The following SFMBT2 variants were observed in gnomAD, a reference collection of about 807,000 sequenced individuals.
SFMBT2 encodes Scm like with four mbt domains 2.
A neutral mutation model predicts 110.1 loss-of-function variants in SFMBT2; 38 were observed. The observed-to-expected ratio is 0.35, with a 90% confidence interval of 0.27 to 0.45. SFMBT2 has a LOEUF of 0.45. Among genes scored for constraint, SFMBT2 ranks in the 20% least tolerant of loss-of-function variants. The probability of loss-of-function intolerance (pLI) is 1.00; values close to 1 mark genes in which losing one functional copy is unlikely to be tolerated. For synonymous variants in SFMBT2, 425 were observed against 425.4 expected (o/e 1.00, Z 0.01); for missense variants, 1,011 against 1,094.9 (o/e 0.92, Z 1.08).
At position 7,309,670 on chromosome 10, in the gene SFMBT2, C is replaced by G. The variant is rs551187936; in HGVS notation, c.437-23716G>C. Reference sequence around the variant, plus strand: ...GCTACTGAGGCACCCTGAACCTGCCCTTGTTACTTACCCTACTACATTTTT... The same window carrying G: ...GCTACTGAGGCACCCTGAACCTGCCGTTGTTACTTACCCTACTACATTTTT... On this transcript the variant is annotated intron_variant, in intron 4 of 20. Transcript: ENST00000397167. Among the ~76,000 whole-genome samples the G allele has an allele frequency of 7.2e-5, 11 of 152,318 alleles. 1 individual carries two copies. In the South Asian group the frequency reaches 2.3e-3, roughly 32 times the overall value.
intron 16 of SFMBT2, among the ~76,000 whole-genome samples, chr10:7,179,838 G>A (rs1308251891): frequency 6.6e-6 from 1 of 152,234 alleles, no homozygotes; most frequent in Non-Finnish European, 1.5e-5. Context: ...ACGGAAACAA[G>A]TGTTTCAGTA....
At chr10:7,203,404 G>C (rs1839021661) in intron 12 of SFMBT2, 1 of 188,272 alleles carries the variant, frequency 5.3e-6, no homozygotes. Flanking sequence ...TGTCTCCCCT[G>C]GTCTTTGTTA....
intron 6 of SFMBT2, among the ~76,000 whole-genome samples, chr10:7,281,671 G>C (rs561741876): frequency 4.4e-4 from 67 of 152,294 alleles, no homozygotes; most frequent in African/African-American, 1.6e-3. Context: ...TCTGCTGAAT[G>C]ATGTAGCAGA....
chr10:7,407,332 C>T (rs1009867122), intron 1 of SFMBT2, among the ~76,000 whole-genome samples: 1 of 151,996 alleles, frequency 6.6e-6, no homozygotes, highest in Admixed American at 6.6e-5. Flanking sequence ...GGGTTCTTTC[C>T]CTTGGTGTAG....
At chr10:7,263,373 G>C (rs1313299460) in intron 7 of SFMBT2, among the ~76,000 whole-genome samples, 1 of 152,058 alleles carries the variant, frequency 6.6e-6, no homozygotes, top group East Asian at 1.9e-4. Flanking sequence ...TCCCGAGTAG[G>C]TGGACTACAG....
chr10:7,180,012 C>T (rs761253423), intron 16 of SFMBT2, among the ~76,000 whole-genome samples: 1 of 152,158 alleles, frequency 6.6e-6, no homozygotes, highest in Non-Finnish European at 1.5e-5. Flanking sequence ...GGATAGGGCA[C>T]GGGCTGGGGA....
chr10:7,262,302 A>T (rs887469741), intron 7 of SFMBT2, among the ~76,000 whole-genome samples: 2 of 152,100 alleles, frequency 1.3e-5, no homozygotes, highest in South Asian at 2.1e-4. Flanking sequence ...CCACAATAAG[A>T]TCTTCTGTAG....
chr10:7,242,183 C>CATATTAAAGGGATGAGAA, intron 9 of SFMBT2, among the ~76,000 whole-genome samples: 1 of 152,254 alleles, frequency 6.6e-6, no homozygotes, highest in East Asian at 1.9e-4. Flanking sequence ...CCCCCAAGGC[C>CATATTAAAGGGATGAGAA]ATATTAAAGG....
At position 7,205,820 on chromosome 10, in the gene SFMBT2, GT is replaced by G; in HGVS notation, c.1438del (p.Thr480GlnfsTer64). ...CTCAACTGGGAACCACTTACAGACT[GT>G]TTTGTGTGGTGCAGTCAAAGGATAA... ...NSYPLTAPHK[T>X]VSQKKRKIAV... is the part of the protein sequence containing the mutation. On this transcript the variant is annotated frameshift_variant, in exon 12 of 21. Transcript: ENST00000397167. LOFTEE classifies it high-confidence loss of function. 1.2e-6 allele frequency: 2 copies of G among 1,613,914 alleles called. No homozygotes were observed. Among genetic ancestry groups the G allele is most frequent in the Non-Finnish European group, 1.7e-6 (2 of 1,179,860 alleles).
chr10:7,390,438 C>T (rs913306359), intron 1 of SFMBT2, among the ~76,000 whole-genome samples: 1 of 152,192 alleles, frequency 6.6e-6, no homozygotes. Context: ...CTTCCTAACA[C>T]AGCATAGGTT....
At chr10:7,245,523 C>G (rs1290531180) in intron 8 of SFMBT2, among the ~76,000 whole-genome samples, 6 of 152,234 alleles carry the variant, frequency 3.9e-5, no homozygotes, top group African/African-American at 1.4e-4. Context: ...CCTAAATGGT[C>G]TGAAGCACTG....
rs1345671445 is a variant in SFMBT2, at chr10:7,375,751, C to CCACACACACAAACA, written c.101-5377_101-5376insTGTTTGTGTGTGTG. 4.8e-5 allele frequency among the ~76,000 whole-genome samples: 6 copies of CCACACACACAAACA among 124,772 alleles called. No homozygotes were observed. The East Asian group carries it at 1.5e-3, about 31-fold the overall frequency. The allele number at this position is 124,772 out of a possible 152,430, so 81.9% of individuals were successfully genotyped here. ...AGTTACTCTAGGAGAAAAGAAAAAA[C>CCACACACACAAACA]CACACACACACACACACACACACAC... On this transcript the variant is annotated intron_variant, in intron 2 of 20. Coordinates refer to ENST00000397167, the MANE Select transcript of SFMBT2 (RefSeq NM_001387889.1).
At chr10:7,388,692 T>C (rs1845687849) in intron 1 of SFMBT2, among the ~76,000 whole-genome samples, 1 of 151,940 alleles carries the variant, frequency 6.6e-6, no homozygotes, top group African/African-American at 2.4e-5. Context: ...ATGATAATTA[T>C]TTACATGACA....
intron 4 of SFMBT2, among the ~76,000 whole-genome samples, chr10:7,358,141 T>C (rs550503414): frequency 6.9e-6 from 1 of 144,346 alleles, no homozygotes; most frequent in East Asian, 2.1e-4. Context: ...CCCTGTGACA[T>C]CAACATGGCC....
At chr10:7,376,727 C>CAAAAAA (rs35816107) in intron 2 of SFMBT2, among the ~76,000 whole-genome samples, 25 of 44,734 alleles carry the variant, frequency 5.6e-4, no homozygotes, top group African/African-American at 2.3e-3. Flanking sequence ...GGCCCTCCCA[C>CAAAAAA]AAAAAAAAAA....
Position 7,248,602 on chromosome 10 carries a change from A to G in SFMBT2, c.918T>C (p.Leu306=). The G allele has an allele frequency of 1.9e-6, 3 of 1,613,992 alleles. No homozygotes were observed. Among genetic ancestry groups the G allele is most frequent in the Non-Finnish European group, 2.5e-6 (3 of 1,179,840 alleles). Residue 306 remains leucine (L), a synonymous_variant, in exon 8 of 21, where the codon CTT becomes CTC. Transcript: ENST00000397167. Reference sequence around the variant, plus strand: ...AGGGCTCGCACATATTCACTGTCTCAAGCTTCATCCCAACTGTGAAGAAAT... The same window carrying G: ...AGGGCTCGCACATATTCACTGTCTCGAGCTTCATCCCAACTGTGAAGAAAT... The part of the protein sequence containing the change: ...RSHFFTVGMK[L]ETVNMCEPFY...
chr10:7,320,044 AAGAC>A (rs553411087), intron 4 of SFMBT2, among the ~76,000 whole-genome samples: 138 of 141,884 alleles, frequency 9.7e-4, no homozygotes, highest in African/African-American at 3.0e-3. Context: ...GAGAGAGACA[AAGAC>A]AGACAGAGAC....
At chr10:7,292,622 T>G (rs114740664) in intron 4 of SFMBT2, among the ~76,000 whole-genome samples, 1 of 152,154 alleles carries the variant, frequency 6.6e-6, no homozygotes, top group Non-Finnish European at 1.5e-5. Flanking sequence ...CATATAAAGA[T>G]TGTTGGAGGA....
At position 7,301,189 on chromosome 10, in the gene SFMBT2, AG is replaced by A. The variant is rs1842546314; in HGVS notation, c.437-15236del. Among the ~76,000 whole-genome samples the A allele has an allele frequency of 6.6e-6, 1 of 152,234 alleles. No individual in the cohort carries two copies. The highest frequency in any genetic ancestry group is 1.5e-5 in the Non-Finnish European group (1 of 68,038). ...GTTCCTTCACTGAAAGTCTCGGGGA[AG>A]GGAATAGTCAGCATAAAGAACGTCA... is the stretch of plus-strand genomic sequence containing the variant. On this transcript the variant is annotated intron_variant, in intron 4 of 20. Transcript: ENST00000397167. The surrounding 1 kb of genome is among the most constrained non-coding windows in gnomAD (Gnocchi z 4.2).
Sources: allele counts gnomAD v4.1 joint callset (sites outside exome capture counted in the v4.1 genomes callset), GRCh38; gene constraint gnomAD v4.1.1; non-coding constraint Gnocchi (gnomAD v3.1); transcripts MANE v1.5; gene names NCBI Gene and HGNC (gene_info 2026-07-23, HGNC 2026-07-21).